The following PPP1R12B variants were observed in gnomAD, a reference collection of about 807,000 sequenced individuals.
The protein encoded by PPP1R12B is myosin phosphatase target subunit 2.
Under a neutral mutation model 126.1 loss-of-function variants are expected in PPP1R12B, and 76 were observed. The ratio of observed to expected loss-of-function variants is 0.60; its 90% CI spans 0.50 to 0.73. The LOEUF (loss-of-function observed/expected upper bound fraction) is 0.73. PPP1R12B is among the 30% of genes least tolerant of loss of function. The pLI is 0.00. For missense variants in PPP1R12B, 1,052 were observed against 1,205.1 expected, an observed-to-expected ratio of 0.87 and a Z score of 1.88; for synonymous variants, 356 against 434.7, an observed-to-expected ratio of 0.82 and a Z score of 2.25.
intron 1 of PPP1R12B, among the ~76,000 whole-genome samples, chr1:202,398,797 G>C (rs1444933250): frequency 2.6e-5 from 4 of 152,156 alleles, no homozygotes; most frequent in Non-Finnish European, 5.9e-5. Context: ...AGCTGAAAAA[G>C]CATACTTCTC....
chr1:202,540,806 A>G (rs1685045688), intron 18 of PPP1R12B, among the ~76,000 whole-genome samples: 1 of 152,214 alleles, frequency 6.6e-6, no homozygotes, highest in Admixed American at 6.5e-5. Context: ...GGCCACTTGG[A>G]ACCTTACTCC....
intron 19 of PPP1R12B, among the ~76,000 whole-genome samples, chr1:202,561,414 A>G (rs890523072): frequency 1.3e-5 from 2 of 149,990 alleles, no homozygotes; most frequent in Admixed American, 6.6e-5. Context: ...AGGCAAATCT[A>G]TTTTTACTTA....
intron 2 of PPP1R12B, among the ~76,000 whole-genome samples, chr1:202,417,564 T>C (rs1379108575): frequency 6.6e-6 from 1 of 152,220 alleles, no homozygotes; most frequent in Non-Finnish European, 1.5e-5. Context: ...AAATATCTGT[T>C]GTGTGAAGGA....
intron 1 of PPP1R12B, among the ~76,000 whole-genome samples, chr1:202,415,490 A>G (rs1225343882): frequency 6.6e-6 from 1 of 152,158 alleles, no homozygotes; most frequent in Non-Finnish European, 1.5e-5. Context: ...TTAAAAAGGG[A>G]GTCTCATTTG....
At chr1:202,527,765 TATA>T (rs575855920) in intron 18 of PPP1R12B, among the ~76,000 whole-genome samples, 99 of 152,034 alleles carry the variant, frequency 6.5e-4, no homozygotes, top group Non-Finnish European at 1.1e-3. Context: ...AAGGAACAAG[TATA>T]ATAATACTTG....
chr1:202,548,796 CTCTCTCTCTCTCTA>C (rs1179949203), intron 18 of PPP1R12B, among the ~76,000 whole-genome samples: 7 of 113,380 alleles, frequency 6.2e-5, no homozygotes, highest in African/African-American at 9.7e-5. Context: ...CTCTCTCTCT[CTCTCTCTCTCTCTA>C]TATATATATA....
intron 1 of PPP1R12B, among the ~76,000 whole-genome samples, chr1:202,395,338 G>A (rs1409282991): frequency 6.6e-6 from 1 of 151,996 alleles, no homozygotes; most frequent in Non-Finnish European, 1.5e-5. Flanking sequence ...GTCACTTCCT[G>A]AGCATTATTT....
chr1:202,493,938 A>G (rs537082841), intron 15 of PPP1R12B, among the ~76,000 whole-genome samples: 4 of 152,186 alleles, frequency 2.6e-5, no homozygotes, highest in African/African-American at 9.6e-5. Context: ...GTTTTGATTT[A>G]TGTTTCATTT....
chr1:202,439,651 C>T, intron 10 of PPP1R12B: 1 of 744,956 alleles, frequency 1.3e-6, no homozygotes, highest in Non-Finnish European at 2.3e-6. Context: ...CTGTCCACTG[C>T]CCTTCCTGGT....
chr1:202,528,244 T>C (rs776886495), intron 18 of PPP1R12B, among the ~76,000 whole-genome samples: 7 of 152,216 alleles, frequency 4.6e-5, no homozygotes, highest in Non-Finnish European at 1.0e-4. Flanking sequence ...ACCACGCAAA[T>C]TGACCAGCCT....
intron 1 of PPP1R12B, among the ~76,000 whole-genome samples, chr1:202,399,908 G>A (rs1468138755): frequency 5.3e-5 from 8 of 151,870 alleles, no homozygotes; most frequent in Middle Eastern, 3.2e-3. Flanking sequence ...TGGGTATATC[G>A]TGTGATGCTG....
At chr1:202,542,197 A>G (rs1685196627) in intron 18 of PPP1R12B, among the ~76,000 whole-genome samples, 1 of 152,142 alleles carries the variant, frequency 6.6e-6, no homozygotes, top group Admixed American at 6.5e-5. Flanking sequence ...CTCATGTCCA[A>G]CTAATTAGGG....
intron 1 of PPP1R12B, among the ~76,000 whole-genome samples, chr1:202,377,237 C>T (rs1023853781): frequency 6.6e-6 from 1 of 151,904 alleles, no homozygotes; most frequent in African/African-American, 2.4e-5. Context: ...AGGCATGGTT[C>T]CTGGCAGGTT....
intron 1 of PPP1R12B, among the ~76,000 whole-genome samples, chr1:202,382,268 T>C (rs890774941): frequency 3.8e-5 from 3 of 77,932 alleles, no homozygotes; most frequent in Non-Finnish European, 7.2e-5. Flanking sequence ...CACTGGGGCC[T>C]GTTGTGGAGT....
chr1:202,507,502 T>C (rs1213065866), intron 18 of PPP1R12B, among the ~76,000 whole-genome samples: 2 of 152,186 alleles, frequency 1.3e-5, no homozygotes, highest in East Asian at 1.9e-4. Flanking sequence ...GAAAAAATTG[T>C]CCATAACCAT....
At chr1:202,526,800 GA>G (rs1471565068) in intron 18 of PPP1R12B, among the ~76,000 whole-genome samples, 1 of 152,114 alleles carries the variant, frequency 6.6e-6, no homozygotes, top group Non-Finnish European at 1.5e-5. Context: ...AGCTGAAGAA[GA>G]AAAGAATACT....
Position 202,587,576 on chromosome 1 carries a change from T to TG in PPP1R12B, c.*7018dup, listed in dbSNP as rs1689893052. The TG allele has an allele frequency of 6.6e-6, 1 of 152,196 alleles. No homozygotes were observed. Among genetic ancestry groups the TG allele is most frequent in the Non-Finnish European group, 1.5e-5 (1 of 68,064 alleles). The allele number at this position is 152,196 out of a possible 1,614,324, so 9.4% of individuals were successfully genotyped here. A position where few individuals can be genotyped will look rare whatever the true frequency, so the allele number is the denominator to read the frequency against. Reference sequence around the variant, plus strand: ...TCAATCAGTGTATCAGTGCATCTGGTGGCAACAGCTCAGCCCATTCAAAGA... The same window carrying TG: ...TCAATCAGTGTATCAGTGCATCTGGTGGGCAACAGCTCAGCCCATTCAAAGA... On this transcript the variant is annotated 3_prime_UTR_variant, in exon 24 of 24. Coordinates refer to ENST00000608999, the MANE Select transcript of PPP1R12B (RefSeq NM_002481.4).
chr1:202,429,367 A>AT (rs1368435472), intron 6 of PPP1R12B, among the ~76,000 whole-genome samples: 3 of 152,336 alleles, frequency 2.0e-5, no homozygotes, highest in African/African-American at 7.2e-5. Context: ...AAAATAAGTA[A>AT]ATACACATAA....
intron 18 of PPP1R12B, among the ~76,000 whole-genome samples, chr1:202,537,353 C>CAA (rs570737869): frequency 1.0e-5 from 1 of 99,986 alleles, no homozygotes; most frequent in Non-Finnish European, 2.1e-5. Context: ...GACTCCGTCT[C>CAA]AAAAAAAAAA....
Sources: allele counts gnomAD v4.1 joint callset (sites outside exome capture counted in the v4.1 genomes callset), GRCh38; gene constraint gnomAD v4.1.1; transcripts MANE v1.5; gene names NCBI Gene and HGNC (gene_info 2026-07-23, HGNC 2026-07-21).